NXN: variants seen among roughly 807,000 people sequenced by gnomAD.
NXN encodes the protein nucleoredoxin 1.
Under a neutral mutation model 48.6 loss-of-function variants are expected in NXN, and 16 were observed. The ratio of observed to expected loss-of-function variants is 0.33; its 90% CI spans 0.22 to 0.50. The LOEUF is 0.50. NXN is among the 20% of genes least tolerant of loss of function. The pLI is 0.98. For missense variants in NXN, 492 were observed against 605.5 expected, an observed-to-expected ratio of 0.81 and a Z score of 1.97; for synonymous variants, 281 against 269.6, an observed-to-expected ratio of 1.04 and a Z score of -0.41.
At chr17:911,668 C>G (rs548768396) in intron 1 of NXN, among the ~76,000 whole-genome samples, 5 of 151,044 alleles carry the variant, frequency 3.3e-5, no homozygotes, top group Non-Finnish European at 5.9e-5. Context: ...TTCTTTCACC[C>G]TGTTAGCCAG....
At chr17:900,892 A>G (rs1012775025) in intron 1 of NXN, among the ~76,000 whole-genome samples, 2 of 144,012 alleles carry the variant, frequency 1.4e-5, no homozygotes, top group Admixed American at 6.9e-5. Context: ...TGTGGACTTT[A>G]TGAAAAGATA....
At chr17:966,183 A>G (rs1298540102) in intron 1 of NXN, among the ~76,000 whole-genome samples, 1 of 152,106 alleles carries the variant, frequency 6.6e-6, no homozygotes, top group Non-Finnish European at 1.5e-5. Context: ...AGAAGTCTAC[A>G]TAACATCTAC....
intron 1 of NXN, among the ~76,000 whole-genome samples, chr17:877,368 G>A (rs1364411934): frequency 1.3e-5 from 2 of 151,946 alleles, no homozygotes; most frequent in Non-Finnish European, 2.9e-5. Context: ...GGATGGTCTC[G>A]ATCTCCTGAC....
chr17:854,151 G>C (rs1275629389), intron 1 of NXN, among the ~76,000 whole-genome samples: 1 of 152,154 alleles, frequency 6.6e-6, no homozygotes, highest in East Asian at 1.9e-4. Context: ...AAGTAGGCTT[G>C]CAGTAAAAAT....
At chr17:879,295 GTT>G (rs762029954) in intron 1 of NXN, among the ~76,000 whole-genome samples, 4 of 60,356 alleles carry the variant, frequency 6.6e-5, no homozygotes, top group African/African-American at 1.2e-4. Flanking sequence ...TTGGTTTTTT[GTT>G]TTTTTTTTTT....
At chr17:895,934 G>A (rs1253412018) in intron 1 of NXN, among the ~76,000 whole-genome samples, 2 of 152,162 alleles carry the variant, frequency 1.3e-5, no homozygotes, top group Non-Finnish European at 2.9e-5. Context: ...TGGGCTGGGG[G>A]CAGTGGCTCA....
intron 1 of NXN, among the ~76,000 whole-genome samples, chr17:909,143 G>C (rs1169609873): frequency 6.7e-6 from 1 of 148,506 alleles, no homozygotes; most frequent in Non-Finnish European, 1.5e-5. Flanking sequence ...CCTGCCAGCA[G>C]TCTGTCCTAG....
rs576901118 is a variant in NXN, at chr17:899,579, G to A, written c.361-73501C>T. ...AGACTGATTCACTCATGATTATATCGTCAGGAATTAGCGCTGAGCCTTAAA... is the reference window on the plus strand; with the variant it reads ...AGACTGATTCACTCATGATTATATCATCAGGAATTAGCGCTGAGCCTTAAA... On this transcript the variant is annotated intron_variant, in intron 1 of 7. Coordinates refer to ENST00000336868, the MANE Select transcript of NXN (RefSeq NM_022463.5). 1.9e-4 allele frequency among the ~76,000 whole-genome samples: 29 copies of A among 152,262 alleles called. 1 individual carries two copies. In the Middle Eastern group the frequency reaches 0.017, roughly 89 times the overall value.
At chr17:914,088 C>T (rs1476314235) in intron 1 of NXN, among the ~76,000 whole-genome samples, 1 of 152,068 alleles carries the variant, frequency 6.6e-6, no homozygotes, top group Non-Finnish European at 1.5e-5. Context: ...TTAATAGAGA[C>T]AGGGTTTCGC....
chr17:857,939 G>T (rs1318343075), intron 1 of NXN, among the ~76,000 whole-genome samples: 3 of 151,358 alleles, frequency 2.0e-5, no homozygotes, highest in Non-Finnish European at 4.4e-5. Flanking sequence ...TCTAACACCT[G>T]CTCATCTTCC....
At chr17:803,651 G>GC (rs772334977) in intron 7 of NXN, 31 bp downstream of exon 7, 38 of 1,613,570 alleles carry the variant, frequency 2.4e-5, no homozygotes, top group Non-Finnish European at 3.1e-5. Context: ...AGCTGAGCCA[G>GC]CCCTGGGCCA....
At chr17:890,549 T>C (rs914846742) in intron 1 of NXN, among the ~76,000 whole-genome samples, 12 of 121,208 alleles carry the variant, frequency 9.9e-5, no homozygotes, top group African/African-American at 3.4e-4. Flanking sequence ...TAATTTTTTG[T>C]ATTTTTTTTT....
In NXN at chr17:890,099, T is replaced by C. The variant is rs1232233449; in HGVS notation, c.361-64021A>G. On this transcript the variant is annotated intron_variant, in intron 1 of 7. Coordinates refer to ENST00000336868, the MANE Select transcript of NXN (RefSeq NM_022463.5). ...TGTAAAGGATCTTAATTAAACAGTA[T>C]CAAGCATGCCGGCGTGAACTCAGTG... 3.3e-5 allele frequency among the ~76,000 whole-genome samples: 5 copies of C among 152,076 alleles called. No individual in the cohort carries two copies. In the East Asian group the frequency reaches 9.7e-4, roughly 29 times the overall value.
In NXN at chr17:828,722, T is replaced by C. The variant is rs540591771; in HGVS notation, c.361-2644A>G. Among the ~76,000 whole-genome samples, 29 of 152,292 alleles carry C rather than the reference T, an allele frequency of 1.9e-4. No homozygotes were observed. In the South Asian group the frequency reaches 3.1e-3, roughly 16 times the overall value. ...CGGCCCCAGTTTTTAAATTCCACGA[T>C]GGCATCATTCCAGAGAAACTTGGTA... On this transcript the variant is annotated intron_variant, in intron 1 of 7. Coordinates refer to ENST00000336868, the MANE Select transcript of NXN (RefSeq NM_022463.5).
rs1567810447 is a variant in NXN at position 809,953 on chromosome 17, CTGTGTG to C, written c.821-4712_821-4707del. Among the ~76,000 whole-genome samples, 61 of 115,600 alleles carry C rather than the reference CTGTGTG, an allele frequency of 5.3e-4. 2 individuals carry two copies. Among genetic ancestry groups the C allele is most frequent in the South Asian group, 9.4e-4 (3 of 3,206 alleles). The allele number at this position is 115,600 out of a possible 152,430, so 75.8% of individuals were successfully genotyped here. A position where few individuals can be genotyped will look rare whatever the true frequency, so the allele number is the denominator to read the frequency against. On this transcript the variant is annotated intron_variant, in intron 5 of 7. Transcript: ENST00000336868. ...TGTGAGTGGCGTGTACGTTACGAGT[CTGTGTG>C]AGTGGCGTGTACGTTACGAGTCTGT...
chr17:810,457 C>T (rs1911918960), intron 5 of NXN, among the ~76,000 whole-genome samples: 1 of 152,218 alleles, frequency 6.6e-6, no homozygotes, highest in Non-Finnish European at 1.5e-5. Context: ...AGCTCGTTAA[C>T]ATCAGATGAA....
rs1404309117 is a variant in NXN, at chr17:849,985, G to C, written c.361-23907C>G. ...CGCATCCCAGCTGGGTGCCGTTCCT[G>C]CATCTGGAGGCCCCTGTGATGAAGG... is the stretch of plus-strand genomic sequence containing the variant. On this transcript the variant is annotated intron_variant, in intron 1 of 7. Coordinates refer to ENST00000336868, the MANE Select transcript of NXN (RefSeq NM_022463.5). The surrounding 1 kb of genome is among the most constrained non-coding windows in gnomAD (Gnocchi z 4.2). Among the ~76,000 whole-genome samples the C allele has an allele frequency of 6.6e-6, 1 of 152,102 alleles. No homozygotes were observed. Among genetic ancestry groups the C allele is most frequent in the Non-Finnish European group, 1.5e-5 (1 of 68,012 alleles).
At chr17:880,397 T>C (rs1042299323) in intron 1 of NXN, among the ~76,000 whole-genome samples, 6 of 152,134 alleles carry the variant, frequency 3.9e-5, no homozygotes, top group Admixed American at 2.6e-4. Flanking sequence ...GAAAACGTCT[T>C]AATAAGAACT....
chr17:944,958 G>C (rs1262383629), intron 1 of NXN, among the ~76,000 whole-genome samples: 1 of 152,044 alleles, frequency 6.6e-6, no homozygotes, highest in Non-Finnish European at 1.5e-5. Flanking sequence ...GTACATAATG[G>C]ATTTTTCTAA....
Sources: allele counts gnomAD v4.1 joint callset (sites outside exome capture counted in the v4.1 genomes callset), GRCh38; gene constraint gnomAD v4.1.1; non-coding constraint Gnocchi (gnomAD v3.1); transcripts MANE v1.5; gene names NCBI Gene and HGNC (gene_info 2026-07-23, HGNC 2026-07-21).